The following IFI44L variants were observed in gnomAD, a reference collection of about 807,000 sequenced individuals.
The protein encoded by IFI44L is interferon induced protein 44 like.
Under a neutral mutation model 39.3 loss-of-function variants are expected in IFI44L, and 40 were observed. The observed-to-expected ratio is 1.02, with a 90% CI of 0.79 to 1.33. The LOEUF is 1.33. Among genes scored for constraint, IFI44L ranks in the 40% most tolerant of loss-of-function variants. IFI44L has a pLI of 0.00. For synonymous variants in IFI44L, 198 were observed against 182.3 expected (o/e 1.09, Z -0.69); for missense variants, 623 against 549.0 (o/e 1.13, Z -1.35).
intron 4 of IFI44L, among the ~76,000 whole-genome samples, chr1:78,633,407 A>G (rs1652827537): frequency 6.6e-6 from 1 of 152,198 alleles, no homozygotes; most frequent in African/African-American, 2.4e-5. Context: ...TCCCTGGACC[A>G]CACCATGGAT....
intron 1 of IFI44L, among the ~76,000 whole-genome samples, chr1:78,622,125 A>T (rs908447995): frequency 3.3e-5 from 5 of 152,144 alleles, no homozygotes; most frequent in Non-Finnish European, 7.4e-5. Context: ...ATTTATCATT[A>T]TACTATCCAC....
At position 78,646,092 on chromosome 1, in the gene IFI44L, C is replaced by T. The variant is rs1647045769; in HGVS notation, c.*4283C>T. 6.6e-6 allele frequency: 1 copy of T among 152,100 alleles called. No individual in the cohort carries two copies. The highest frequency in any genetic ancestry group is 1.5e-5 in the Non-Finnish European group (1 of 68,014). 9.4% of individuals were successfully genotyped at this position (152,100 alleles called of 1,614,324 possible). On this transcript the variant is annotated 3_prime_UTR_variant, in exon 9 of 9. Coordinates refer to ENST00000370751, the MANE Select transcript of IFI44L (RefSeq NM_006820.4). ...TAAAAATTGATTTCTTTTGCACATT[C>T]CATGACAATATATGTCACATTTTTA...
chr1:78,634,796 G>A (rs760811302), intron 4 of IFI44L, among the ~76,000 whole-genome samples: 29 of 151,226 alleles, frequency 1.9e-4, no homozygotes, highest in Non-Finnish European at 3.2e-4. Flanking sequence ...TGGTATCAAA[G>A]GTGCAAACTG....
Position 78,637,014 on chromosome 1 carries a change from C to G in IFI44L, c.877-18C>G, listed in dbSNP as rs762141102. 4.4e-6 allele frequency: 7 copies of G among 1,587,212 alleles called. No homozygotes were observed. Among genetic ancestry groups the G allele is most frequent in the African/African-American group, 4.0e-5 (3 of 74,160 alleles). On this transcript the variant is annotated intron_variant, in intron 5 of 8. Coordinates refer to ENST00000370751, the MANE Select transcript of IFI44L (RefSeq NM_006820.4). ...AGGCTCTCTGATTTCTGAATGTTAC[C>G]TTATGTTTTTATAACAGTTTAATTC...
intron 2 of IFI44L, 101 bp from the exon 3 acceptor site, chr1:78,628,850 G>A: frequency 1.3e-6 from 1 of 779,366 alleles, no homozygotes; most frequent in Non-Finnish European, 2.2e-6. Flanking sequence ...CTCAGCCCTG[G>A]GTTATGCAAG....
Position 78,628,556 on chromosome 1 carries a change from A to G in IFI44L, c.478+163A>G, listed in dbSNP as rs542873188. Reference sequence around the variant, plus strand: ...ATGAAACGTGGGGAACATAAGGATTATGAGGTTTTTATCCAGAACGTATAG... The same window carrying G: ...ATGAAACGTGGGGAACATAAGGATTGTGAGGTTTTTATCCAGAACGTATAG... On this transcript the variant is annotated intron_variant, in intron 2 of 8. Transcript: ENST00000370751. The G allele has an allele frequency of 1.0e-3, 613 of 597,126 alleles. No individual in the cohort carries two copies. Among genetic ancestry groups the G allele is most frequent in the Non-Finnish European group, 1.3e-3 (433 of 343,322 alleles). 37.0% of individuals were successfully genotyped at this position (597,126 alleles called of 1,614,324 possible).
chr1:78,627,499 A>G (rs577447528), intron 1 of IFI44L: 1 of 152,732 alleles, frequency 6.5e-6, no homozygotes, highest in South Asian at 2.1e-4. Flanking sequence ...GAACACAGTC[A>G]TGCTCTCTTG....
chr1:78,641,753 C>T, intron 8 of IFI44L, 22 bp from the exon 9 acceptor site: 2 of 1,613,460 alleles, frequency 1.2e-6, no homozygotes, highest in Non-Finnish European at 1.7e-6. Flanking sequence ...TTCATTTCCA[C>T]TCTTGTTTGT....
In IFI44L at chr1:78,631,778, G is replaced by A. The variant is rs948735706; in HGVS notation, c.723+1863G>A. The A allele has an allele frequency of 2.6e-5, 4 of 152,132 alleles. No homozygotes were observed. In the East Asian group the frequency reaches 7.7e-4, roughly 29 times the overall value. 9.4% of individuals were successfully genotyped at this position (152,132 alleles called of 1,614,324 possible). A position where few individuals can be genotyped will look rare whatever the true frequency, so the allele number is the denominator to read the frequency against. ...ATCTCTGTGTTCAAAACTATTTTTA[G>A]AATTATTCTAAGTTTTTTTTGTCTT... On this transcript the variant is annotated intron_variant, in intron 4 of 8. Coordinates refer to ENST00000370751, the MANE Select transcript of IFI44L (RefSeq NM_006820.4).
chr1:78,631,227 T>C (rs1333114477), intron 4 of IFI44L, among the ~76,000 whole-genome samples: 2 of 152,136 alleles, frequency 1.3e-5, no homozygotes, highest in Non-Finnish European at 2.9e-5. Context: ...CTTTGAATAA[T>C]TGAAGTTGTA....
At position 78,643,681 on chromosome 1, in the gene IFI44L, G is replaced by A. The variant is rs1213625848; in HGVS notation, c.*1872G>A. The A allele has an allele frequency of 2.9e-5, 4 of 139,682 alleles. No individual in the cohort carries two copies. The East Asian group carries it at 9.4e-4, about 33-fold the overall frequency. 8.7% of individuals were successfully genotyped at this position (139,682 alleles called of 1,614,324 possible). A position where few individuals can be genotyped will look rare whatever the true frequency, so the allele number is the denominator to read the frequency against. On this transcript the variant is annotated 3_prime_UTR_variant, in exon 9 of 9. Coordinates refer to ENST00000370751, the MANE Select transcript of IFI44L (RefSeq NM_006820.4). ...TTTTTTTTTTTTGTTTTTTTGCTGA[G>A]TCAATTCCTTGGAGGGGGTCTTCAG... is the stretch of plus-strand genomic sequence containing the variant.
At chr1:78,640,967 G>T (rs945153929) in intron 6 of IFI44L, 54 bp from the exon 7 acceptor site, 119 of 1,290,028 alleles carry the variant, frequency 9.2e-5, no homozygotes, top group Admixed American at 1.7e-5. Context: ...TTAATAACTT[G>T]TTGACACATT....
At chr1:78,634,102 C>G (rs1193270872) in intron 4 of IFI44L, among the ~76,000 whole-genome samples, 1 of 151,770 alleles carries the variant, frequency 6.6e-6, no homozygotes, top group Non-Finnish European at 1.5e-5. Context: ...GACAAATATT[C>G]AAGTTACAAG....
rs746384143 is a variant in IFI44L, at chr1:78,635,443, A to T, written c.830A>T (p.Asp277Val). The T allele has an allele frequency of 6.2e-7, 1 of 1,613,572 alleles. No homozygotes were observed. Among genetic ancestry groups the T allele is most frequent in the South Asian group, 1.1e-5 (1 of 91,018 alleles). Residue 277 changes from aspartate to valine, a missense_variant, in exon 5 of 9, where the codon GAT becomes GTT. Asp to Val is a radical substitution (Grantham distance 152). Transcript: ENST00000370751. ...GCAGAAGGAGCAGGACTGTGCATGGATGACATTCCCCACATCTTAAAAGGT... is the reference window on the plus strand; with the variant it reads ...GCAGAAGGAGCAGGACTGTGCATGGTTGACATTCCCCACATCTTAAAAGGT... ...DGAEGAGLCM[D>V]DIPHILKGCM...
At chr1:78,629,980 C>T (rs1310681577) in intron 4 of IFI44L, 65 bp downstream of exon 4, 10 of 1,419,710 alleles carry the variant, frequency 7.0e-6, no homozygotes, top group African/African-American at 1.4e-5. Context: ...ATGTCTTTGC[C>T]TTTTTCTCTT....
chr1:78,627,058 A>G (rs1652518009), intron 1 of IFI44L: 1 of 152,080 alleles, frequency 6.6e-6, no homozygotes, highest in South Asian at 2.1e-4. Context: ...CTATGAATCT[A>G]GCAAACACTT....
At position 78,628,309 on chromosome 1, in the gene IFI44L, C is replaced by G. The variant is rs773412203; in HGVS notation, c.394C>G (p.Leu132Val). 1 of 1,604,886 alleles carries G rather than the reference C, an allele frequency of 6.2e-7. No individual in the cohort carries two copies. Among genetic ancestry groups the G allele is most frequent in the African/African-American group, 1.3e-5 (1 of 74,548 alleles). Residue 132 changes from leucine (L) to valine (V), a missense_variant, in exon 2 of 9, where the codon CTA (leucine) becomes GTA (valine). By Grantham distance (32) the Leu-to-Val change is conservative. Transcript: ENST00000370751. The part of the protein sequence containing the change: ...FIICRDNKIY[L>V]DKMITRNLKL... ...TATATGTCGAGATAATAAAATTTAT[C>G]TAGATAAAATGATAACAAGAAACTT... is the stretch of plus-strand genomic sequence containing the variant.
chr1:78,634,998 ATATGTG>A (rs902071674), intron 4 of IFI44L, among the ~76,000 whole-genome samples: 20 of 113,974 alleles, frequency 1.8e-4, no homozygotes, highest in African/African-American at 6.6e-4. Context: ...ATATATATAT[ATATGTG>A]TGTGTGTGTG....
At chr1:78,624,725 C>A (rs1164042954) in intron 1 of IFI44L, among the ~76,000 whole-genome samples, 1 of 152,124 alleles carries the variant, frequency 6.6e-6, no homozygotes, top group African/African-American at 2.4e-5. Context: ...CCCTTCAATT[C>A]TTTCAGTGTT....
Sources: allele counts gnomAD v4.1 joint callset (sites outside exome capture counted in the v4.1 genomes callset), GRCh38; gene constraint gnomAD v4.1.1; transcripts MANE v1.5; gene names NCBI Gene and HGNC (gene_info 2026-07-23, HGNC 2026-07-21).